Variants in UBXN8 observed in about 807,000 individuals in gnomAD.
The protein encoded by UBXN8 is UBX domain protein 8.
UBXN8 carries 27 observed loss-of-function variants against 32.1 expected under a neutral mutation model. That is an observed-to-expected ratio of 0.84 (90% confidence interval 0.62 to 1.16). The LOEUF (loss-of-function observed/expected upper bound fraction) is 1.16, where lower values mean the gene tolerates loss of function less well. Ranked by LOEUF, UBXN8 falls within the 50% of genes most tolerant of loss-of-function variation. The pLI, the probability that UBXN8 is intolerant of heterozygous loss-of-function variation, is 0.00. For missense variants in UBXN8, 306 were observed against 311.4 expected, an observed-to-expected ratio of 0.98 and a Z score of 0.13; for synonymous variants, 109 against 111.8, an observed-to-expected ratio of 0.98 and a Z score of 0.16.
At chr8:30,765,091 TAA>T (rs71501523) in intron 7 of UBXN8, among the ~76,000 whole-genome samples, 10 of 122,470 alleles carry the variant, frequency 8.2e-5, no homozygotes, top group South Asian at 5.5e-4. Context: ...TTTATTTTTT[TAA>T]AAATAGAACA....
intron 4 of UBXN8, among the ~76,000 whole-genome samples, chr8:30,755,760 GAAAAAAAAAAAAAAA>G (rs34287599): frequency 1.1e-5 from 1 of 88,920 alleles, no homozygotes; most frequent in Non-Finnish European, 1.9e-5. Context: ...CCTTTCTCCA[GAAAAAAAAAAAAAAA>G]AAAAAAGAAG....
At chr8:30,765,425 C>A (rs1805973168) in intron 7 of UBXN8, among the ~76,000 whole-genome samples, 1 of 151,982 alleles carries the variant, frequency 6.6e-6, no homozygotes, top group African/African-American at 2.4e-5. Context: ...AGGCATGCAC[C>A]ACCAGGCCTG....
At chr8:30,765,143 G>A (rs1805964791) in intron 7 of UBXN8, among the ~76,000 whole-genome samples, 1 of 151,956 alleles carries the variant, frequency 6.6e-6, no homozygotes, top group Non-Finnish European at 1.5e-5. Context: ...GAACTCCTGG[G>A]TTCAAATGAT....
chr8:30,756,844 T>G lies in UBXN8; in HGVS notation c.485T>G (p.Leu162Ter), dbSNP rs777812864. The change falls in exon 5 of 8, where the codon TTA becomes TGA. Residue 162 changes from leucine to a stop codon, truncating the protein, a stop_gained. Transcript: ENST00000265616. LOFTEE classifies it high-confidence loss of function. ...AAKSQNLPKP[L>*]TEFPSPAEQP... ...AAGAGCCAGAACTTGCCTAAACCTT[T>G]AACTGAATTTCCGTCTCCTGCTGAA... 9.3e-6 allele frequency: 15 copies of G among 1,614,018 alleles called. No homozygotes were observed. The South Asian group carries it at 1.6e-4, about 18-fold the overall frequency.
At chr8:30,757,154 A>G (rs1406979750) in intron 5 of UBXN8, among the ~76,000 whole-genome samples, 3 of 150,218 alleles carry the variant, frequency 2.0e-5, no homozygotes, top group Non-Finnish European at 4.4e-5. Context: ...CCCCATCTCT[A>G]TTTAAAAAAA....
chr8:30,730,664 A>G (rs1466036350), upstream of UBXN8, among the ~76,000 whole-genome samples: 2 of 152,206 alleles, frequency 1.3e-5, no homozygotes, highest in African/African-American at 4.8e-5. Flanking sequence ...ACAAACGTTA[A>G]TAAGTTCTCT....
At chr8:30,741,717 T>C (rs774688777), upstream of UBXN8, among the ~76,000 whole-genome samples, 16 of 152,184 alleles carry the variant, frequency 1.1e-4, no homozygotes, top group Non-Finnish European at 1.9e-4. Flanking sequence ...CCCAAAGTGC[T>C]GGGATTACAG....
chr8:30,750,225 A>G (rs960655780), intron 1 of UBXN8, among the ~76,000 whole-genome samples: 3 of 152,008 alleles, frequency 2.0e-5, no homozygotes, highest in Admixed American at 1.3e-4. Flanking sequence ...CAATCCCAGG[A>G]CCTTGGGAGG....
chr8:30,733,538 C>T (rs981758993), intron 1 of UBXN8, among the ~76,000 whole-genome samples: 4 of 152,318 alleles, frequency 2.6e-5, no homozygotes, highest in South Asian at 2.1e-4. Flanking sequence ...GGAATTCCCA[C>T]GCTGACTTAG....
At chr8:30,755,356 C>A (rs1051076024) in intron 4 of UBXN8, among the ~76,000 whole-genome samples, 3 of 151,854 alleles carry the variant, frequency 2.0e-5, no homozygotes, top group Non-Finnish European at 2.9e-5. Context: ...CTCAAGGGAT[C>A]CTCCTGCCTC....
intron 2 of UBXN8, among the ~76,000 whole-genome samples, chr8:30,752,617 ATT>A (rs1805545642): frequency 6.6e-6 from 1 of 152,086 alleles, no homozygotes; most frequent in African/African-American, 2.4e-5. Context: ...AGCCTGTTTG[ATT>A]TTTGATAAGC....
intron 7 of UBXN8, among the ~76,000 whole-genome samples, chr8:30,765,532 T>TCA (rs35820814): frequency 0.78 from 117,887 of 150,410 alleles, 46,322 homozygotes; most frequent in East Asian, 0.84. Context: ...AAAAAAAATT[T>TCA]TATATATATA....
upstream of UBXN8, among the ~76,000 whole-genome samples, chr8:30,739,530 C>T (rs138087671): frequency 0.026 from 3,906 of 152,028 alleles, 164 homozygotes; most frequent in African/African-American, 0.09. Context: ...GGTGATAGAG[C>T]GAGACCCTGT....
At chr8:30,750,733 A>G (rs191766108) in intron 1 of UBXN8, among the ~76,000 whole-genome samples, 6,314 of 149,236 alleles carry the variant, frequency 0.042, 190 homozygotes, top group South Asian at 0.15. Flanking sequence ...AGATCATGCC[A>G]CTGCACTCCA....
intron 1 of UBXN8, among the ~76,000 whole-genome samples, chr8:30,736,495 C>A (rs374158378): frequency 6.6e-6 from 1 of 151,934 alleles, no homozygotes; most frequent in Admixed American, 6.6e-5. Flanking sequence ...TTTTTTGAGA[C>A]GGAGTTTCGC....
intron 6 of UBXN8, chr8:30,763,057 G>C (rs1167777523): frequency 1.9e-6 from 1 of 524,388 alleles, no homozygotes; most frequent in African/African-American, 1.9e-5. Flanking sequence ...TTATGGCGGG[G>C]GGTGTCTCAA....
chr8:30,764,259 A>G (rs1299585042), intron 7 of UBXN8, among the ~76,000 whole-genome samples: 4 of 152,240 alleles, frequency 2.6e-5, no homozygotes, highest in Admixed American at 6.5e-5. Context: ...GGATTTGACT[A>G]CATAAAAATT....
chr8:30,760,441 A>ATTTTTT (rs1263036658), intron 5 of UBXN8, among the ~76,000 whole-genome samples: 1,672 of 48,846 alleles, frequency 0.034, 11 homozygotes, highest in African/African-American at 0.054. Flanking sequence ...ATATATATAT[A>ATTTTTT]TATTTTTTTT....
chr8:30,760,188 G>T (rs1308349248), intron 5 of UBXN8, among the ~76,000 whole-genome samples: 1 of 141,286 alleles, frequency 7.1e-6, no homozygotes, highest in South Asian at 2.3e-4. Context: ...TCAGCCTCCC[G>T]AGTAGCTGGG....
Sources: allele counts gnomAD v4.1 joint callset (sites outside exome capture counted in the v4.1 genomes callset), GRCh38; gene constraint gnomAD v4.1.1; transcripts MANE v1.5; gene names NCBI Gene and HGNC (gene_info 2026-07-23, HGNC 2026-07-21).